PPP1R16B: variants seen among roughly 807,000 people sequenced by gnomAD.
PPP1R16B encodes protein phosphatase 1 regulatory inhibitor subunit 16B.
A neutral mutation model predicts 61.7 loss-of-function variants in PPP1R16B; 14 were observed. That is an observed-to-expected ratio of 0.23 (90% CI 0.15 to 0.35). The LOEUF is 0.35. Ranked by LOEUF, PPP1R16B falls within the 10% of genes least tolerant of loss-of-function variation. The pLI, the probability that PPP1R16B is intolerant of heterozygous loss-of-function variation, is 1.00. For missense variants in PPP1R16B, 547 were observed against 752.5 expected, an observed-to-expected ratio of 0.73 and a Z score of 3.19; for synonymous variants, 266 against 305.3, an observed-to-expected ratio of 0.87 and a Z score of 1.34.
At chr20:38,892,608 A>G (rs138354366) in intron 3 of PPP1R16B, among the ~76,000 whole-genome samples, 2 of 152,308 alleles carry the variant, frequency 1.3e-5, no homozygotes, top group African/African-American at 4.8e-5. Context: ...CTCAGAGTTC[A>G]GAGTGTGCTG....
At chr20:38,900,536 C>A in intron 4 of PPP1R16B, 45 bp from the exon 5 acceptor site, 2 of 1,528,052 alleles carry the variant, frequency 1.3e-6, no homozygotes, top group Non-Finnish European at 1.8e-6. Context: ...CTAGACCAAC[C>A]CTAGCCACAC....
In PPP1R16B at chr20:38,895,621, T is replaced by C. The variant is rs776206651; in HGVS notation, c.378T>C (p.Asn126=). 7.4e-6 allele frequency: 12 copies of C among 1,613,706 alleles called. No individual in the cohort carries two copies. The highest frequency in any genetic ancestry group is 4.0e-5 in the African/African-American group (3 of 74,924). The change falls in exon 4 of 11, where the codon AAT becomes AAC. Residue 126 remains asparagine (N), a synonymous_variant. Coordinates refer to ENST00000299824, the MANE Select transcript of PPP1R16B (RefSeq NM_015568.4). The stretch of plus-strand genomic sequence containing the variant: ...AGCTGCTCCTCTCCCATGGTGCCAA[T>C]GTGAACGCCAAGGACAACGAGCTGT... ...IVKLLLSHGA[N]VNAKDNELWT... is the part of the protein sequence containing the mutation.
intron 2 of PPP1R16B, among the ~76,000 whole-genome samples, chr20:38,862,112 C>T (rs2085055949): frequency 6.6e-6 from 1 of 152,188 alleles, no homozygotes; most frequent in African/African-American, 2.4e-5. Flanking sequence ...TTGTTGCCTC[C>T]CATGCCTGGC....
intron 2 of PPP1R16B, among the ~76,000 whole-genome samples, chr20:38,865,522 C>A (rs1353919009): frequency 1.3e-5 from 2 of 152,074 alleles, no homozygotes; most frequent in South Asian, 2.1e-4. Flanking sequence ...GATCTCCTGA[C>A]CTTTGTGATC....
intron 1 of PPP1R16B, among the ~76,000 whole-genome samples, chr20:38,813,535 T>C (rs1298589995): frequency 1.3e-5 from 2 of 151,954 alleles, no homozygotes; most frequent in Non-Finnish European, 1.5e-5. Flanking sequence ...GGTTGTAGAG[T>C]TGTGTATTGC....
At chr20:38,893,815 C>T (rs1250413718) in intron 3 of PPP1R16B, among the ~76,000 whole-genome samples, 2 of 152,118 alleles carry the variant, frequency 1.3e-5, no homozygotes, top group Admixed American at 6.5e-5. Context: ...AGTCCCCTCG[C>T]CCTTCAACCA....
intron 1 of PPP1R16B, among the ~76,000 whole-genome samples, chr20:38,817,916 C>T (rs928645200): frequency 6.6e-6 from 1 of 152,078 alleles, no homozygotes; most frequent in Admixed American, 6.5e-5. Flanking sequence ...TGGTGGCGGG[C>T]ACCTGTAGTC....
intron 2 of PPP1R16B, among the ~76,000 whole-genome samples, chr20:38,857,580 A>T (rs926878747): frequency 6.6e-6 from 1 of 152,226 alleles, no homozygotes. Flanking sequence ...TGGATTTTAT[A>T]TAGATAGATC....
At chr20:38,887,197 CA>C (rs1568674633) in intron 2 of PPP1R16B, among the ~76,000 whole-genome samples, 1 of 152,142 alleles carries the variant, frequency 6.6e-6, no homozygotes, top group East Asian at 1.9e-4. Flanking sequence ...TCAGAGGCCA[CA>C]AGAAGTGATG....
At chr20:38,877,952 GTTTTTTTTTTTTT>G (rs34151516) in intron 2 of PPP1R16B, among the ~76,000 whole-genome samples, 4 of 57,776 alleles carry the variant, frequency 6.9e-5, no homozygotes, top group East Asian at 7.0e-4. Flanking sequence ...GCACACAGTT[GTTTTTTTTTTTTT>G]TTTTTTTTTT....
chr20:38,911,777 T>G (rs2145783765), intron 10 of PPP1R16B, among the ~76,000 whole-genome samples: 1 of 152,194 alleles, frequency 6.6e-6, no homozygotes, highest in South Asian at 2.1e-4. Flanking sequence ...CCTCAAACGA[T>G]CCACCCTCCT....
chr20:38,848,245 T>C (rs1426214211), intron 2 of PPP1R16B, among the ~76,000 whole-genome samples: 4 of 152,214 alleles, frequency 2.6e-5, no homozygotes, highest in African/African-American at 4.8e-5. Context: ...CTAGGGTTTT[T>C]TGGCCTTATT....
intron 2 of PPP1R16B, among the ~76,000 whole-genome samples, chr20:38,882,071 C>A (rs912643689): frequency 6.6e-6 from 1 of 152,208 alleles, no homozygotes; most frequent in South Asian, 2.1e-4. Flanking sequence ...CAGCAGGTTA[C>A]TTATCCTCGT....
intron 10 of PPP1R16B, among the ~76,000 whole-genome samples, chr20:38,912,206 T>C (rs2085496651): frequency 6.6e-6 from 1 of 151,756 alleles, no homozygotes; most frequent in African/African-American, 2.4e-5. Context: ...TTCAAGTGAT[T>C]CTCCTGTCTC....
intron 4 of PPP1R16B, among the ~76,000 whole-genome samples, 179 bp downstream of exon 4, chr20:38,895,889 C>CCCTCCCTCCCTCCTTCCTTCTTTCTCT (rs2085335341): frequency 2.2e-5 from 1 of 45,234 alleles, no homozygotes; most frequent in Non-Finnish European, 4.0e-5. Flanking sequence ...CTTCTTTCTT[C>CCCTCCCTCCCTCCTTCCTTCTTTCTCT]CCTCCCTCCC....
chr20:38,901,917 T>C (rs2085397348), intron 5 of PPP1R16B, among the ~76,000 whole-genome samples: 1 of 152,240 alleles, frequency 6.6e-6, no homozygotes, highest in South Asian at 2.1e-4. Context: ...TGGGTTTTGC[T>C]TACATTCTAA....
intron 1 of PPP1R16B, among the ~76,000 whole-genome samples, chr20:38,814,936 C>G (rs550905774): frequency 6.6e-6 from 1 of 152,158 alleles, no homozygotes; most frequent in Non-Finnish European, 1.5e-5. Flanking sequence ...CTATTGCTGT[C>G]GTTGGCTATC....
At chr20:38,881,479 G>T (rs1398423565) in intron 2 of PPP1R16B, among the ~76,000 whole-genome samples, 3 of 152,276 alleles carry the variant, frequency 2.0e-5, no homozygotes, top group Non-Finnish European at 2.9e-5. Context: ...AAGTCAGTGC[G>T]GACTGGGCTG....
intron 2 of PPP1R16B, among the ~76,000 whole-genome samples, chr20:38,873,828 A>G (rs966141351): frequency 1.3e-5 from 2 of 148,934 alleles, no homozygotes; most frequent in African/African-American, 5.0e-5. Context: ...TCCTGGGTTC[A>G]ACCGATTCTC....
Sources: allele counts gnomAD v4.1 joint callset (sites outside exome capture counted in the v4.1 genomes callset), GRCh38; gene constraint gnomAD v4.1.1; transcripts MANE v1.5; gene names NCBI Gene and HGNC (gene_info 2026-07-23, HGNC 2026-07-21).